Variants in CACNA1E observed in about 807,000 individuals in gnomAD.
CACNA1E encodes voltage-dependent R-type calcium channel subunit alpha-1E.
In CACNA1E, 40 loss-of-function variants were observed where a neutral mutation model predicts 259.2. That is an observed-to-expected ratio of 0.15 (90% CI 0.12 to 0.20). The LOEUF is 0.20. CACNA1E is among the 10% of genes least tolerant of loss of function. The pLI is 1.00. For missense variants in CACNA1E, 1,874 were observed against 3,040.1 expected, an observed-to-expected ratio of 0.62 and a Z score of 9.02; for synonymous variants, 1,104 against 1,138.5, an observed-to-expected ratio of 0.97 and a Z score of 0.61.
chr1:181,420,926 TG>T (rs1204240551), intron 2 of CACNA1E, among the ~76,000 whole-genome samples: 1 of 152,236 alleles, frequency 6.6e-6, no homozygotes, highest in African/African-American at 2.4e-5. Context: ...GAAGTCTGTC[TG>T]CTCCCCATTG....
At chr1:181,641,359 T>C (rs1657729336) in intron 6 of CACNA1E, among the ~76,000 whole-genome samples, 1 of 152,206 alleles carries the variant, frequency 6.6e-6, no homozygotes, top group Admixed American at 6.5e-5. Context: ...TATGCCACCA[T>C]TCAGGGTCCT....
chr1:181,525,165 T>C (rs1667265373), intron 3 of CACNA1E, among the ~76,000 whole-genome samples: 1 of 152,210 alleles, frequency 6.6e-6, no homozygotes, highest in African/African-American at 2.4e-5. Context: ...TGGGAATAAA[T>C]GTGCTCTACT....
intron 2 of CACNA1E, among the ~76,000 whole-genome samples, chr1:181,458,861 CCATCCAT>C (rs1661627313): frequency 6.6e-6 from 1 of 152,062 alleles, no homozygotes; most frequent in Non-Finnish European, 1.5e-5. Context: ...ATCCATCCAT[CCATCCAT>C]CCACCCATCC....
At chr1:181,550,929 AC>A (rs1314689790) in intron 3 of CACNA1E, among the ~76,000 whole-genome samples, 2 of 152,080 alleles carry the variant, frequency 1.3e-5, no homozygotes, top group Non-Finnish European at 2.9e-5. Context: ...CTTTATTTCT[AC>A]ATAGATTGAA....
chr1:181,602,230 G>A (rs1653813713), intron 6 of CACNA1E, among the ~76,000 whole-genome samples: 1 of 152,192 alleles, frequency 6.6e-6, no homozygotes, highest in Non-Finnish European at 1.5e-5. Flanking sequence ...CTTCATGAGG[G>A]CAGGACTTTT....
chr1:181,498,639 A>G (rs1664987907), intron 1 of CACNA1E, among the ~76,000 whole-genome samples: 1 of 152,164 alleles, frequency 6.6e-6, no homozygotes, highest in Non-Finnish European at 1.5e-5. Flanking sequence ...TATTAGATTT[A>G]TAGAGAATAA....
intron 1 of CACNA1E, among the ~76,000 whole-genome samples, chr1:181,323,164 G>T (rs375024091): frequency 6.6e-5 from 10 of 152,302 alleles, no homozygotes; most frequent in African/African-American, 2.2e-4. Context: ...GCCTTTTGGG[G>T]TTCCTTCCCC....
At chr1:181,447,991 TG>T (rs1305001903) in intron 2 of CACNA1E, among the ~76,000 whole-genome samples, 8 of 152,228 alleles carry the variant, frequency 5.3e-5, no homozygotes, top group African/African-American at 1.9e-4. Flanking sequence ...TAAGAGCTGG[TG>T]TGATTAGATA....
At chr1:181,378,316 T>C (rs1252834196) in intron 1 of CACNA1E, among the ~76,000 whole-genome samples, 1 of 152,146 alleles carries the variant, frequency 6.6e-6, no homozygotes, top group Non-Finnish European at 1.5e-5. Context: ...ATCTTGAACA[T>C]CAGGCAAAAA....
At chr1:181,492,196 A>G (rs921736971) in intron 1 of CACNA1E, among the ~76,000 whole-genome samples, 1 of 152,246 alleles carries the variant, frequency 6.6e-6, no homozygotes, top group African/African-American at 2.4e-5. Flanking sequence ...GGAACTCTTT[A>G]TTAATTGGCA....
At chr1:181,686,793 T>C (rs1465836390) in intron 7 of CACNA1E, among the ~76,000 whole-genome samples, 1 of 152,170 alleles carries the variant, frequency 6.6e-6, no homozygotes, top group Non-Finnish European at 1.5e-5. Flanking sequence ...GTGGGGATGC[T>C]TGCAGCACCT....
At chr1:181,333,887 T>G (rs1351241488) in intron 1 of CACNA1E, among the ~76,000 whole-genome samples, 1 of 152,226 alleles carries the variant, frequency 6.6e-6, no homozygotes, top group Non-Finnish European at 1.5e-5. Context: ...ATTCCTGAAC[T>G]TAGTTGATCC....
chr1:181,595,090 A>G (rs1653027777), intron 6 of CACNA1E, among the ~76,000 whole-genome samples: 1 of 152,212 alleles, frequency 6.6e-6, no homozygotes, highest in Non-Finnish European at 1.5e-5. Flanking sequence ...TTTGTGCTCA[A>G]AGCATCCTGA....
At chr1:181,351,631 G>T (rs1446587226) in intron 1 of CACNA1E, among the ~76,000 whole-genome samples, 1 of 152,188 alleles carries the variant, frequency 6.6e-6, no homozygotes, top group East Asian at 1.9e-4. Flanking sequence ...GGCTGTAGAG[G>T]AGAATGTGTT....
chr1:181,511,102 G>A (rs1428924693), intron 2 of CACNA1E, among the ~76,000 whole-genome samples: 1 of 152,210 alleles, frequency 6.6e-6, no homozygotes, highest in Admixed American at 6.5e-5. Context: ...CAAAGCCAGG[G>A]CCATCAGGGA....
At chr1:181,686,191 C>T (rs543678456) in intron 7 of CACNA1E, among the ~76,000 whole-genome samples, 1 of 151,684 alleles carries the variant, frequency 6.6e-6, no homozygotes, top group African/African-American at 2.4e-5. Context: ...CCTTGTTATC[C>T]CTTTTTCTTT....
At chr1:181,348,248 G>T (rs1353585088) in intron 1 of CACNA1E, among the ~76,000 whole-genome samples, 1 of 152,042 alleles carries the variant, frequency 6.6e-6, no homozygotes, top group Admixed American at 6.6e-5. Flanking sequence ...ATGTGGGCAC[G>T]CTTTGTCATG....
At chr1:181,766,896 T>C (rs911677983) in intron 35 of CACNA1E, among the ~76,000 whole-genome samples, 6 of 152,160 alleles carry the variant, frequency 3.9e-5, no homozygotes, top group African/African-American at 1.4e-4. Context: ...GTGACAGCCA[T>C]AGAACTAAAG....
chr1:181,343,304 G>A (rs1250541786), intron 1 of CACNA1E, among the ~76,000 whole-genome samples: 3 of 152,158 alleles, frequency 2.0e-5, no homozygotes, highest in Non-Finnish European at 4.4e-5. Context: ...CGGTGCTGGA[G>A]GTGGGCGTAG....
Sources: gnomAD v4.1 joint callset for allele counts (sites outside exome capture counted in the v4.1 genomes callset) on GRCh38, gnomAD v4.1.1 for gene constraint, MANE v1.5 for transcripts, NCBI Gene and HGNC (gene_info 2026-07-23, HGNC 2026-07-21) for gene names.